Variants in AP3M2 observed in about 807,000 individuals in gnomAD.
The protein encoded by AP3M2 is adaptor related protein complex 3 subunit mu 2.
In AP3M2, 28 loss-of-function variants were observed where a neutral mutation model predicts 41.6. The ratio of observed to expected loss-of-function variants is 0.67; its 90% CI spans 0.50 to 0.92. The LOEUF is 0.92. Among genes scored for constraint, AP3M2 ranks in the 40% least tolerant of loss-of-function variants. AP3M2 has a pLI of 0.00. For missense variants in AP3M2, 427 were observed against 521.4 expected, an observed-to-expected ratio of 0.82 and a Z score of 1.76; for synonymous variants, 193 against 186.4, an observed-to-expected ratio of 1.04 and a Z score of -0.29.
Position 42,170,431 on chromosome 8 carries a change from C to T in AP3M2, c.*1370C>T, listed in dbSNP as rs977227638. ...AAGGGATACCTCAGGCTTTCTTTCC[C>T]AGTGGGTCATTTTTGTCCTAGTTCA... On this transcript the variant is annotated 3_prime_UTR_variant, in exon 9 of 9. Coordinates refer to ENST00000396926, the MANE Select transcript of AP3M2 (RefSeq NM_006803.4). 1.3e-5 allele frequency: 2 copies of T among 152,152 alleles called. No individual in the cohort carries two copies. The highest frequency in any genetic ancestry group is 1.9e-4 in the East Asian group (1 of 5,196). 9.4% of individuals were successfully genotyped at this position (152,152 alleles called of 1,614,324 possible). A position where few individuals can be genotyped will look rare whatever the true frequency, so the allele number is the denominator to read the frequency against.
At chr8:42,162,184 G>T (rs1276301484) in intron 3 of AP3M2, 97 bp from the exon 4 acceptor site, 17 of 1,218,530 alleles carry the variant, frequency 1.4e-5, no homozygotes, top group Admixed American at 2.6e-5. Context: ...CTTCAATTGA[G>T]TGCATGAATA....
intron 6 of AP3M2, chr8:42,165,912 C>G (rs1294948275): frequency 5.3e-6 from 1 of 188,602 alleles, no homozygotes; most frequent in East Asian, 1.4e-4. Flanking sequence ...TTCAATGTCC[C>G]TGGTCTAAAA....
chr8:42,167,593 C>G, intron 7 of AP3M2, 73 bp from the exon 8 acceptor site: 1 of 1,535,386 alleles, frequency 6.5e-7, no homozygotes. Context: ...TAGATCTCAG[C>G]CACCTCAAAT....
At chr8:42,160,008 A>G (rs1416496712) in intron 3 of AP3M2, among the ~76,000 whole-genome samples, 4 of 152,184 alleles carry the variant, frequency 2.6e-5, no homozygotes, top group Admixed American at 2.6e-4. Context: ...AAAAAGAGGA[A>G]AGATAAAATG....
chr8:42,160,708 T>C (rs1473733428), intron 3 of AP3M2, among the ~76,000 whole-genome samples: 2 of 152,234 alleles, frequency 1.3e-5, no homozygotes, highest in Non-Finnish European at 2.9e-5. Flanking sequence ...CATTGTGTAA[T>C]TTATCCTTTT....
chr8:42,167,757 A>G lies in AP3M2; in HGVS notation c.1103A>G (p.Asp368Gly), dbSNP rs1804680450. Residue 368 changes from aspartate (D) to glycine (G), a missense_variant, in exon 8 of 9, where the codon GAT becomes GGT. Asp to Gly is a moderately conservative substitution (Grantham distance 94, BLOSUM62 -1). Around this residue, in one of 3 missense-constraint regions of AP3M2, gnomAD observed 237 missense variants for 284.9 expected, o/e 0.83. Coordinates refer to ENST00000396926, the MANE Select transcript of AP3M2 (RefSeq NM_006803.4). ...MSLQAGASKP[D>G]ENPTINLQFK... ...CTTCAGGCTGGAGCTTCCAAACCAG[A>G]TGAAAACCCCACAATTAACCTGCAG... 1.9e-6 allele frequency: 3 copies of G among 1,613,940 alleles called. No homozygotes were observed. The highest frequency in any genetic ancestry group is 8.5e-7 in the Non-Finnish European group (1 of 1,180,000).
intron 2 of AP3M2, chr8:42,155,873 C>G (rs928198509): frequency 7.7e-6 from 3 of 389,318 alleles, no homozygotes; most frequent in East Asian, 7.6e-5. Flanking sequence ...AAAAGCAAGT[C>G]AAAGAGTTCC....
chr8:42,155,361 G>A (rs1416477559), intron 2 of AP3M2, among the ~76,000 whole-genome samples: 1 of 152,172 alleles, frequency 6.6e-6, no homozygotes, highest in African/African-American at 2.4e-5. Context: ...AGTAGAAAAA[G>A]CTAAGGAATG....
chr8:42,158,670 G>A (rs1804425047), intron 3 of AP3M2, among the ~76,000 whole-genome samples: 1 of 152,130 alleles, frequency 6.6e-6, no homozygotes, highest in South Asian at 2.1e-4. Context: ...AGAAACACAT[G>A]ATTATTGTAG....
intron 2 of AP3M2, chr8:42,155,772 G>C: frequency 4.2e-6 from 1 of 237,354 alleles, no homozygotes; most frequent in Non-Finnish European, 8.6e-6. Flanking sequence ...TTTAACTTCT[G>C]TGTCATATGA....
Position 42,158,215 on chromosome 8 carries a change from G to A in AP3M2, c.445+103G>A. The A allele has an allele frequency of 3.2e-6, 4 of 1,242,386 alleles. 1 individual carries two copies. The South Asian group carries it at 6.0e-5, about 19-fold the overall frequency. The allele number at this position is 1,242,386 out of a possible 1,614,324, so 77.0% of individuals were successfully genotyped here. On this transcript the variant is annotated intron_variant, in intron 3 of 8. Coordinates refer to ENST00000396926, the MANE Select transcript of AP3M2 (RefSeq NM_006803.4). ...TGAGTGTTTGTCTTTGGGGATCTCAGGTGTCCCAGTGCTTTAATTTTGCTC... is the reference window on the plus strand; with the variant it reads ...TGAGTGTTTGTCTTTGGGGATCTCAAGTGTCCCAGTGCTTTAATTTTGCTC...
chr8:42,154,705 C>G lies in AP3M2; in HGVS notation c.18C>G (p.Phe6Leu). MIHSL[F>L]LINSSGDIFL... is the part of the protein sequence containing the mutation. ...TCGCCACCATGATCCATAGTCTTTT[C>G]TTGATCAACTCCTCTGGAGACATTT... is the stretch of plus-strand genomic sequence containing the variant. Residue 6 changes from phenylalanine (F) to leucine (L), a missense_variant, in exon 2 of 9, where the codon TTC (phenylalanine) becomes TTG (leucine). Physicochemically the swap from Phe to Leu is conservative, Grantham distance 22. This residue lies in a region of AP3M2 where 104 missense variants were observed against 93.8 expected (regional missense o/e 1.11). Coordinates refer to ENST00000396926, the MANE Select transcript of AP3M2 (RefSeq NM_006803.4). 5.6e-6 allele frequency: 9 copies of G among 1,614,058 alleles called. No individual in the cohort carries two copies. Among genetic ancestry groups the G allele is most frequent in the Non-Finnish European group, 7.6e-6 (9 of 1,180,008 alleles).
At chr8:42,158,537 C>A (rs1294532062) in intron 3 of AP3M2, among the ~76,000 whole-genome samples, 4 of 152,140 alleles carry the variant, frequency 2.6e-5, no homozygotes, top group African/African-American at 7.2e-5. Flanking sequence ...GTGTGAGCCA[C>A]CGCGCCTGGC....
chr8:42,166,591 CAAAAA>C (rs56858276), intron 6 of AP3M2, among the ~76,000 whole-genome samples: 1 of 77,058 alleles, frequency 1.3e-5, no homozygotes, highest in East Asian at 4.0e-4. Context: ...CTTGTCTCTA[CAAAAA>C]AAAAAAAAAA....
chr8:42,161,607 T>C (rs1333585237), intron 3 of AP3M2, among the ~76,000 whole-genome samples: 1 of 151,996 alleles, frequency 6.6e-6, no homozygotes, highest in Non-Finnish European at 1.5e-5. Context: ...AGACTCTATC[T>C]AAAAAAAATT....
chr8:42,154,112 T>C (rs1804289340), intron 1 of AP3M2: 1 of 152,270 alleles, frequency 6.6e-6, no homozygotes, highest in African/African-American at 2.4e-5. Flanking sequence ...TTCAGATTTG[T>C]CGTGTGTCTT....
At chr8:42,153,837 T>A (rs1804279553) in intron 1 of AP3M2, 2 of 151,892 alleles carry the variant, frequency 1.3e-5, no homozygotes, top group African/African-American at 4.8e-5. Flanking sequence ...GCCTAAGGAG[T>A]GCTCAGAGAA....
chr8:42,167,125 A>G (rs753925960), intron 6 of AP3M2, 39 bp from the exon 7 acceptor site: 2 of 1,572,104 alleles, frequency 1.3e-6, no homozygotes, highest in South Asian at 1.1e-5. Flanking sequence ...CCATTTTCCC[A>G]GTGCACGAAT....
chr8:42,161,236 G>A (rs1030872619), intron 3 of AP3M2, among the ~76,000 whole-genome samples: 40 of 152,244 alleles, frequency 2.6e-4, no homozygotes, highest in Admixed American at 4.6e-4. Context: ...CCAGGAGGTC[G>A]AGGCTGCAGT....
Sources: gnomAD v4.1 joint callset for allele counts (sites outside exome capture counted in the v4.1 genomes callset) on GRCh38, gnomAD v4.1.1 for gene constraint, gnomAD v4.1.1 regional missense constraint, MANE v1.5 for transcripts, NCBI Gene and HGNC (gene_info 2026-07-23, HGNC 2026-07-21) for gene names.